Variants in PCDHA5 observed in about 807,000 individuals in gnomAD.
The protein encoded by PCDHA5 is protocadherin alpha-5.
Under a neutral mutation model 61.6 loss-of-function variants are expected in PCDHA5, and 43 were observed. The ratio of observed to expected loss-of-function variants is 0.70; its 90% CI spans 0.55 to 0.90. The LOEUF is 0.90. Ranked by LOEUF, PCDHA5 falls within the 40% of genes least tolerant of loss-of-function variation. The pLI is 0.00. For synonymous variants in PCDHA5, 627 were observed against 543.9 expected, an observed-to-expected ratio of 1.15 and a Z score of -2.13; for missense variants, 1,298 against 1,222.7, an observed-to-expected ratio of 1.06 and a Z score of -0.92.
In PCDHA5 at chr5:140,875,579, A is replaced by C. The variant is rs552791418; in HGVS notation, c.2352+51452A>C. ...AGCGGCCAGCTCCACTACTCCGTCTACGAGGAGGCCAAACACGGCACCTTC... is the reference window on the plus strand; with the variant it reads ...AGCGGCCAGCTCCACTACTCCGTCTCCGAGGAGGCCAAACACGGCACCTTC... On this transcript the variant is annotated intron_variant, in intron 1 of 3. Coordinates refer to ENST00000529859, the MANE Select transcript of PCDHA5 (RefSeq NM_018908.3). The C allele has an allele frequency of 9.3e-6, 15 of 1,614,050 alleles. No individual in the cohort carries two copies. Among genetic ancestry groups the C allele is most frequent in the East Asian group, 6.7e-5 (3 of 44,884 alleles).
chr5:140,843,362 AGGCAGTC>A, intron 1 of PCDHA5: 4 of 1,595,998 alleles, frequency 2.5e-6, no homozygotes, highest in Non-Finnish European at 3.4e-6. Context: ...AGCGTCATCG[AGGCAGTC>A]GGCTGGCGTT....
Position 140,823,031 on chromosome 5 carries a change from T to C in PCDHA5, c.1256T>C (p.Val419Ala), listed in dbSNP as rs2150064993. 3.1e-6 allele frequency: 5 copies of C among 1,614,188 alleles called. No individual in the cohort carries two copies. Among genetic ancestry groups the C allele is most frequent in the South Asian group, 1.1e-5 (1 of 91,090 alleles). Residue 419 changes from valine (V) to alanine (A), a missense_variant, in exon 1 of 4, where the codon GTC becomes GCC. Coordinates refer to ENST00000529859, the MANE Select transcript of PCDHA5 (RefSeq NM_018908.3). ...DSALDRESVS[V>A]YELVVTARDG... The stretch of plus-strand genomic sequence containing the variant: ...GCCCTGGACCGCGAGAGCGTGTCGG[T>C]CTATGAGCTGGTGGTGACCGCGCGG...
chr5:140,877,730 A>G (rs782465464), intron 1 of PCDHA5: 1 of 1,614,146 alleles, frequency 6.2e-7, no homozygotes, highest in Non-Finnish European at 8.5e-7. Flanking sequence ...TACTCGCAGC[A>G]GAGGAGGCAG....
chr5:140,869,040 G>A, intron 1 of PCDHA5: 23 of 1,529,286 alleles, frequency 1.5e-5, no homozygotes, highest in Non-Finnish European at 1.9e-5. Flanking sequence ...TTTTTAACCT[G>A]AAACTGAAGA....
In PCDHA5 at chr5:140,848,613, G is replaced by A. The variant is rs147099629; in HGVS notation, c.2352+24486G>A. On this transcript the variant is annotated intron_variant, in intron 1 of 3. Coordinates refer to ENST00000529859, the MANE Select transcript of PCDHA5 (RefSeq NM_018908.3). ...CCACTACTCCGTCCCGGAGGAAGCC[G>A]AACACGGCACCTTCGTGGGCCGCAT... 4,268 of 1,587,382 alleles carry A rather than the reference G, an allele frequency of 2.7e-3. 465 individuals carry two copies. The highest frequency in any genetic ancestry group is 9.6e-3 in the Middle Eastern group (55 of 5,726).
intron 1 of PCDHA5, among the ~76,000 whole-genome samples, chr5:140,977,149 G>A (rs1484811068): frequency 6.6e-6 from 1 of 152,198 alleles, no homozygotes; most frequent in Non-Finnish European, 1.5e-5. Flanking sequence ...TGCTGGAACT[G>A]TGCCTTTCAG....
chr5:140,921,732 A>G lies in PCDHA5; in HGVS notation c.2353-57217A>G, dbSNP rs1345229893. 2.0e-5 allele frequency among the ~76,000 whole-genome samples: 3 copies of G among 152,206 alleles called. No individual in the cohort carries two copies. In the East Asian group the frequency reaches 5.8e-4, roughly 29 times the overall value. ...AAACACACGAATTACTCCCATAAAA[A>G]TTATAAGCATAACAGGACACTTCTT... is the stretch of plus-strand genomic sequence containing the variant. On this transcript the variant is annotated intron_variant, in intron 1 of 3. Coordinates refer to ENST00000529859, the MANE Select transcript of PCDHA5 (RefSeq NM_018908.3).
At chr5:140,949,597 C>T (rs1279469149) in intron 1 of PCDHA5, among the ~76,000 whole-genome samples, 1 of 151,600 alleles carries the variant, frequency 6.6e-6, no homozygotes, top group African/African-American at 2.4e-5. Flanking sequence ...TTAATGTGGC[C>T]ATTCTAGTCT....
Position 140,946,631 on chromosome 5 carries a change from T to TATATATATATATATAC in PCDHA5, c.2353-32317_2353-32316insTATATATATATATACA, listed in dbSNP as rs57893927. On this transcript the variant is annotated intron_variant, in intron 1 of 3. Coordinates refer to ENST00000529859, the MANE Select transcript of PCDHA5 (RefSeq NM_018908.3). The stretch of plus-strand genomic sequence containing the variant: ...TGTGAAATATATATATATATATATA[T>TATATATATATATATAC]ACAATGGAATACTCATCAGCCATTA... 8.0e-3 allele frequency among the ~76,000 whole-genome samples: 1,048 copies of TATATATATATATATAC among 131,788 alleles called. 65 individuals carry two copies. Among genetic ancestry groups the TATATATATATATATAC allele is most frequent in the African/African-American group, 0.026 (735 of 28,674 alleles). The allele number at this position is 131,788 out of a possible 152,430, so 86.5% of individuals were successfully genotyped here. A position where few individuals can be genotyped will look rare whatever the true frequency, so the allele number is the denominator to read the frequency against.
chr5:140,884,012 C>T, intron 1 of PCDHA5: 1 of 1,613,134 alleles, frequency 6.2e-7, no homozygotes, highest in Non-Finnish European at 8.5e-7. Context: ...CGAGCTGATG[C>T]CGCGGTCGGT....
rs1554205708 is a variant in PCDHA5 at position 140,928,289 on chromosome 5, G to A, written c.2353-50660G>A. 3.1e-6 allele frequency: 5 copies of A among 1,614,170 alleles called. No individual in the cohort carries two copies. In the East Asian group the frequency reaches 6.7e-5, roughly 22 times the overall value. ...AATGGCCCTGGGGCCTCTCTAGGCC[G>A]AGTGTTTGCCCAGGACCCCGACCTG... is the stretch of plus-strand genomic sequence containing the variant. On this transcript the variant is annotated intron_variant, in intron 1 of 3. Coordinates refer to ENST00000529859, the MANE Select transcript of PCDHA5 (RefSeq NM_018908.3).
intron 1 of PCDHA5, among the ~76,000 whole-genome samples, chr5:140,898,854 C>G (rs1467228131): frequency 2.0e-5 from 3 of 152,150 alleles, no homozygotes; most frequent in Admixed American, 6.6e-5. Flanking sequence ...TTTGTATCCT[C>G]TTTTATTTCA....
chr5:140,950,247 A>G (rs1483854749), intron 1 of PCDHA5, among the ~76,000 whole-genome samples: 1 of 152,004 alleles, frequency 6.6e-6, no homozygotes, highest in East Asian at 1.9e-4. Flanking sequence ...ATTTGTTCCT[A>G]AAGAGCTGAG....
At chr5:140,843,312 C>T (rs2150357141) in intron 1 of PCDHA5, 1 of 1,596,048 alleles carries the variant, frequency 6.3e-7, no homozygotes, top group Non-Finnish European at 8.6e-7. Context: ...GCCACGGCCA[C>T]GGTTCTGGTG....
intron 1 of PCDHA5, chr5:140,867,487 T>C (rs1020782942): frequency 1.3e-5 from 2 of 152,026 alleles, no homozygotes; most frequent in African/African-American, 4.8e-5. Context: ...AGAGTAAATA[T>C]GAAAAAAGTA....
At chr5:140,978,881 A>G in intron 1 of PCDHA5, 68 bp from the exon 2 acceptor site, 1 of 1,610,922 alleles carries the variant, frequency 6.2e-7, no homozygotes, top group Non-Finnish European at 8.5e-7. Flanking sequence ...TAACTAATCA[A>G]TTAGCAGCAT....
At chr5:140,830,215 C>T in intron 1 of PCDHA5, 18 of 1,613,852 alleles carry the variant, frequency 1.1e-5, no homozygotes, top group Non-Finnish European at 1.4e-5. Flanking sequence ...GCGCGGTATC[C>T]AGCCTGCTGG....
chr5:140,822,056 T>C lies in PCDHA5; in HGVS notation c.281T>C (p.Leu94Pro), dbSNP rs2150113263. Reference sequence around the variant, plus strand: ...AATTCTCGGATCGACCGGGAGGAGCTGTGCCGGCGGAGGGCGGAGTGCAGC... The same window carrying C: ...AATTCTCGGATCGACCGGGAGGAGCCGTGCCGGCGGAGGGCGGAGTGCAGC... The part of the protein sequence containing the change: ...FVNSRIDREE[L>P]CRRRAECSIH... Residue 94 changes from leucine to proline, a missense_variant, in exon 1 of 4, where the codon CTG becomes CCG. Coordinates refer to ENST00000529859, the MANE Select transcript of PCDHA5 (RefSeq NM_018908.3). 6.2e-7 allele frequency: 1 copy of C among 1,614,216 alleles called. No individual in the cohort carries two copies. The highest frequency in any genetic ancestry group is 1.7e-5 in the Admixed American group (1 of 60,030).
chr5:140,952,821 A>G (rs269545), intron 1 of PCDHA5, among the ~76,000 whole-genome samples: 31,238 of 152,098 alleles, frequency 0.21, 3,965 homozygotes, highest in African/African-American at 0.36. Context: ...CTGTACAGGA[A>G]GCATGATGCT....
Sources: gnomAD v4.1 joint callset for allele counts (sites outside exome capture counted in the v4.1 genomes callset) on GRCh38, gnomAD v4.1.1 for gene constraint, MANE v1.5 for transcripts, NCBI Gene and HGNC (gene_info 2026-07-23, HGNC 2026-07-21) for gene names.